HNRNPH1: variants seen among roughly 807,000 people sequenced by gnomAD.
HNRNPH1 encodes the protein heterogeneous nuclear ribonucleoprotein H.
Under a neutral mutation model 58.6 loss-of-function variants are expected in HNRNPH1, and 4 were observed. The ratio of observed to expected loss-of-function variants is 0.07; its 90% CI spans 0.03 to 0.16. The LOEUF is 0.16. HNRNPH1 is among the 10% of genes least tolerant of loss of function. The pLI is 1.00. For missense variants in HNRNPH1, 271 were observed against 564.2 expected (o/e 0.48, Z 5.26); for synonymous variants, 192 against 189.2 (o/e 1.01, Z -0.12).
intron 12 of HNRNPH1, 133 bp from the exon 14 acceptor site, chr5:179,615,092 T>G (rs1768872403): frequency 1.5e-6 from 1 of 648,230 alleles, no homozygotes; most frequent in African/African-American, 1.8e-5. Context: ...GACGCATGTT[T>G]GGGAAAGGGG....
exon 1 of HNRNPH1, chr5:179,624,563 A>T (rs1774169635): frequency 2.5e-6 from 1 of 398,630 alleles, no homozygotes; most frequent in South Asian, 1.3e-4. Context: ...AATTGGTAAG[A>T]GTGCGTCCAT....
At chr5:179,632,092 G>A (rs1222186873) in intron 2 of HNRNPH1, among the ~76,000 whole-genome samples, 20 of 152,014 alleles carry the variant, frequency 1.3e-4, no homozygotes, top group Admixed American at 1.2e-3. Flanking sequence ...GGATCACGAG[G>A]TCAGGAGATC....
upstream of HNRNPH1, among the ~76,000 whole-genome samples, chr5:179,624,920 A>C (rs1204457512): frequency 6.6e-6 from 1 of 152,214 alleles, no homozygotes; most frequent in Non-Finnish European, 1.5e-5. Flanking sequence ...AAAAGTAGAG[A>C]GGACATCAAA....
At chr5:179,631,548 C>T (rs1774830305) in intron 2 of HNRNPH1, among the ~76,000 whole-genome samples, 1 of 151,936 alleles carries the variant, frequency 6.6e-6, no homozygotes, top group Non-Finnish European at 1.5e-5. Context: ...GAGTTCAAGA[C>T]CAGCCTGGCC....
chr5:179,627,968 A>G (rs2127735288), upstream of HNRNPH1, among the ~76,000 whole-genome samples: 1 of 141,986 alleles, frequency 7.0e-6, no homozygotes, highest in East Asian at 2.1e-4. Context: ...GATTACAGGC[A>G]TGCACCATCA....
intron 11 of HNRNPH1, 21 bp from the exon 13 acceptor site, chr5:179,615,616 G>GT (rs1428875867): frequency 7.0e-7 from 1 of 1,431,934 alleles, no homozygotes; most frequent in Non-Finnish European, 9.8e-7. Context: ...ATTTTGTAGG[G>GT]TAAGACTATA....
chr5:179,632,171 G>A (rs1303947681), intron 2 of HNRNPH1, among the ~76,000 whole-genome samples: 8 of 152,220 alleles, frequency 5.3e-5, no homozygotes, highest in East Asian at 1.9e-4. Flanking sequence ...ATCCGGGCGT[G>A]GTGGCGGGTG....
chr5:179,617,426 CAT>C (rs1006719058), intron 8 of HNRNPH1, 86 bp downstream of exon 9: 2 of 1,429,960 alleles, frequency 1.4e-6, no homozygotes, highest in African/African-American at 2.8e-5. Flanking sequence ...GGAAACTTCT[CAT>C]ATATCCTTAT....
At chr5:179,622,888 T>C (rs1487557126) in intron 1 of HNRNPH1, 149 bp downstream of exon 2, 1 of 125,652 alleles carries the variant, frequency 8.0e-6, no homozygotes, top group African/African-American at 3.1e-5. Context: ...GTGAGTGTAG[T>C]CGCCCGCGCC....
intron 12 of HNRNPH1, chr5:179,615,170 G>A (rs1768916442): frequency 1.0e-5 from 5 of 495,728 alleles, no homozygotes; most frequent in Middle Eastern, 5.4e-4. Flanking sequence ...AGACTCTTGT[G>A]CTACCATTTT....
At chr5:179,617,164 T>TA in intron 8 of HNRNPH1, 54 bp from the exon 10 acceptor site, 1 of 1,534,532 alleles carries the variant, frequency 6.5e-7, no homozygotes, top group Non-Finnish European at 9.0e-7. Flanking sequence ...CAAAACAGAA[T>TA]AAGCACTTTT....
upstream of HNRNPH1, among the ~76,000 whole-genome samples, chr5:179,628,610 C>T (rs1336338011): frequency 6.6e-6 from 1 of 152,084 alleles, no homozygotes; most frequent in Non-Finnish European, 1.5e-5. Context: ...GGATTACACG[C>T]ATGAGCCACC....
upstream of HNRNPH1, among the ~76,000 whole-genome samples, chr5:179,626,545 G>A (rs947036527): frequency 2.0e-5 from 3 of 150,976 alleles, no homozygotes; most frequent in Non-Finnish European, 4.4e-5. Flanking sequence ...GTGAAACCCC[G>A]TCTCTACTAA....
At chr5:179,622,072 A>C (rs1010952001) in intron 1 of HNRNPH1, 1 of 447,760 alleles carries the variant, frequency 2.2e-6, no homozygotes, top group South Asian at 1.6e-5. Flanking sequence ...TCTTTTTCCC[A>C]GTCTAATAAT....
intron 8 of HNRNPH1, 83 bp from the exon 10 acceptor site, chr5:179,617,193 C>T (rs1006665379): frequency 2.3e-5 from 31 of 1,352,126 alleles, no homozygotes; most frequent in Non-Finnish European, 3.0e-5. Context: ...TTTAAACAAG[C>T]AGATCTGTGA....
chr5:179,615,388 AG>A (rs1444238867), intron 12 of HNRNPH1, 157 bp downstream of exon 13: 2 of 518,468 alleles, frequency 3.9e-6, no homozygotes, highest in Non-Finnish European at 7.0e-6. Context: ...CATGGTGGGC[AG>A]GAAGTGAGAC....
At chr5:179,633,618 AAAAAT>A (rs1357820590) in intron 2 of HNRNPH1, among the ~76,000 whole-genome samples, 2 of 151,946 alleles carry the variant, frequency 1.3e-5, no homozygotes, top group African/African-American at 2.4e-5. Flanking sequence ...TGCCTGTCCA[AAAAAT>A]AAAATAAAAA....
At position 179,617,126 on chromosome 5, in the gene HNRNPH1, A is replaced by G. The variant is rs1770143729; in HGVS notation, c.1058-16T>C. 4 of 1,610,166 alleles carry G rather than the reference A, an allele frequency of 2.5e-6. No homozygotes were observed. Among genetic ancestry groups the G allele is most frequent in the African/African-American group, 1.3e-5 (1 of 74,768 alleles). On this transcript the variant is annotated splice_polypyrimidine_tract_variant and intron_variant, in intron 8 of 12. Transcript: ENST00000356731. ...TATCTGTGTTCTGAAATGAGAAAAA[A>G]AAAGTTTGAAAATGTTTGTTGGTGA... is the stretch of plus-strand genomic sequence containing the variant.
chr5:179,617,885 C>T (rs749580517), exon 7 of HNRNPH1: 3 of 1,613,444 alleles, frequency 1.9e-6, no homozygotes, highest in Admixed American at 3.3e-5. Flanking sequence ...GTAGAGCCAC[C>T]ATCCCCGTAT....
Sources: gnomAD v4.1 joint callset for allele counts (sites outside exome capture counted in the v4.1 genomes callset) on GRCh38, gnomAD v4.1.1 for gene constraint, MANE v1.5 for transcripts, NCBI Gene and HGNC (gene_info 2026-07-23, HGNC 2026-07-21) for gene names.